The following CNTNAP2 variants were observed in gnomAD, a reference collection of about 807,000 sequenced individuals.
CNTNAP2 encodes contactin associated protein 2, also known as contactin-associated protein-like 2.
In CNTNAP2, 98 loss-of-function variants were observed where a neutral mutation model predicts 155.2. That is an observed-to-expected ratio of 0.63 (90% confidence interval 0.54 to 0.75). CNTNAP2 has a LOEUF of 0.75. CNTNAP2 is among the 30% of genes least tolerant of loss of function. The pLI is 0.00. For synonymous variants in CNTNAP2, 651 were observed against 631.2 expected (o/e 1.03, Z -0.47); for missense variants, 1,727 against 1,688.1 (o/e 1.02, Z -0.40).
intron 15 of CNTNAP2, among the ~76,000 whole-genome samples, chr7:148,008,621 T>C (rs1016396870): frequency 6.6e-6 from 1 of 152,214 alleles, no homozygotes; most frequent in African/African-American, 2.4e-5. Flanking sequence ...TGCGAAATGT[T>C]ATGCCAGTGT....
chr7:147,524,986 T>A (rs955513826), intron 11 of CNTNAP2, among the ~76,000 whole-genome samples: 6 of 152,176 alleles, frequency 3.9e-5, no homozygotes, highest in Admixed American at 1.3e-4. Context: ...GCTTGTTATA[T>A]CTTGTTAGCA....
intron 21 of CNTNAP2, among the ~76,000 whole-genome samples, chr7:148,283,871 A>G (rs1358564361): frequency 6.6e-6 from 1 of 152,224 alleles, no homozygotes; most frequent in Non-Finnish European, 1.5e-5. Context: ...AAAACTGAAT[A>G]TTAAATAAGA....
chr7:148,195,975 A>C (rs1191300456), intron 18 of CNTNAP2, among the ~76,000 whole-genome samples: 2 of 152,272 alleles, frequency 1.3e-5, no homozygotes, highest in African/African-American at 4.8e-5. Flanking sequence ...GTGGGAATTT[A>C]TAAATGCCTA....
At chr7:147,518,646 G>A (rs922451773) in intron 11 of CNTNAP2, among the ~76,000 whole-genome samples, 7 of 152,190 alleles carry the variant, frequency 4.6e-5, no homozygotes, top group African/African-American at 1.7e-4. Context: ...AGCACTGAAC[G>A]AATGTAGCCA....
intron 15 of CNTNAP2, among the ~76,000 whole-genome samples, chr7:148,040,216 A>G (rs1231641551): frequency 6.6e-6 from 1 of 152,252 alleles, no homozygotes; most frequent in Non-Finnish European, 1.5e-5. Context: ...TAACTGAAAT[A>G]AATGGAAAAT....
intron 3 of CNTNAP2, among the ~76,000 whole-genome samples, chr7:146,934,094 T>G (rs578073819): frequency 6.6e-6 from 1 of 152,240 alleles, no homozygotes; most frequent in East Asian, 1.9e-4. Flanking sequence ...TTACTGGGTA[T>G]ATACCCAAAG....
chr7:147,122,701 C>A (rs968765850), intron 6 of CNTNAP2: 2 of 152,138 alleles, frequency 1.3e-5, no homozygotes, highest in African/African-American at 2.4e-5. Context: ...CAGTAAACTA[C>A]CTTAAGCTAG....
chr7:146,845,385 G>C (rs1803821049), intron 3 of CNTNAP2, among the ~76,000 whole-genome samples: 1 of 152,198 alleles, frequency 6.6e-6, no homozygotes, highest in Non-Finnish European at 1.5e-5. Context: ...TAAACTTGGA[G>C]ATCTGACTTT....
intron 11 of CNTNAP2, among the ~76,000 whole-genome samples, chr7:147,541,519 T>C (rs1799639600): frequency 6.6e-6 from 1 of 152,182 alleles, no homozygotes; most frequent in Non-Finnish European, 1.5e-5. Flanking sequence ...TCCGAGGTCT[T>C]CTCAAATTCT....
chr7:147,335,015 C>T (rs1293098393), intron 9 of CNTNAP2, among the ~76,000 whole-genome samples: 1 of 152,098 alleles, frequency 6.6e-6, no homozygotes, highest in African/African-American at 2.4e-5. Context: ...GAAATTGAAG[C>T]TCAGAGAGTT....
At chr7:147,777,012 T>C (rs1797594791) in intron 13 of CNTNAP2, among the ~76,000 whole-genome samples, 1 of 152,134 alleles carries the variant, frequency 6.6e-6, no homozygotes, top group Non-Finnish European at 1.5e-5. Flanking sequence ...TTTTGCATTT[T>C]ATATTGATTC....
chr7:146,823,260 T>C (rs185805329), intron 2 of CNTNAP2, among the ~76,000 whole-genome samples: 1 of 150,162 alleles, frequency 6.7e-6, no homozygotes, highest in Non-Finnish European at 1.5e-5. Context: ...AATATACTCA[T>C]TCTTCAGTAT....
intron 1 of CNTNAP2, among the ~76,000 whole-genome samples, chr7:146,357,806 A>G (rs1280623278): frequency 1.3e-5 from 2 of 151,994 alleles, no homozygotes; most frequent in Non-Finnish European, 2.9e-5. Context: ...AGAATCAAAA[A>G]TTGATCCCTT....
intron 5 of CNTNAP2, among the ~76,000 whole-genome samples, chr7:147,110,652 T>C (rs138633411): frequency 0.029 from 4,369 of 152,246 alleles, 202 homozygotes; most frequent in African/African-American, 0.099. Context: ...TGCATTAGTT[T>C]GCTGAGGACA....
intron 9 of CNTNAP2, among the ~76,000 whole-genome samples, chr7:147,304,371 C>A (rs1224693712): frequency 1.3e-5 from 2 of 152,102 alleles, no homozygotes; most frequent in Non-Finnish European, 2.9e-5. Context: ...GAATGTTAAA[C>A]ACAATAATTA....
At chr7:147,987,169 CAA>C (rs1471084579) in intron 15 of CNTNAP2, among the ~76,000 whole-genome samples, 1 of 152,114 alleles carries the variant, frequency 6.6e-6, no homozygotes, top group African/African-American at 2.4e-5. Context: ...AGGTCAGGTC[CAA>C]TTACAAATGC....
chr7:146,585,868 G>A (rs1007244547), intron 1 of CNTNAP2, among the ~76,000 whole-genome samples: 3 of 151,950 alleles, frequency 2.0e-5, no homozygotes, highest in African/African-American at 7.3e-5. Flanking sequence ...GAATTGGGGT[G>A]GTCGTGTGCA....
chr7:146,928,213 T>A (rs1796649518), intron 3 of CNTNAP2, among the ~76,000 whole-genome samples: 1 of 152,110 alleles, frequency 6.6e-6, no homozygotes, highest in Non-Finnish European at 1.5e-5. Flanking sequence ...GGGTGAATAA[T>A]ATTCAACTGT....
At chr7:146,577,446 C>T (rs1798542850) in intron 1 of CNTNAP2, among the ~76,000 whole-genome samples, 1 of 151,974 alleles carries the variant, frequency 6.6e-6, no homozygotes, top group Non-Finnish European at 1.5e-5. Flanking sequence ...GACTGTAGAA[C>T]AAAATAGTGG....
Sources: gnomAD v4.1 joint callset for allele counts (sites outside exome capture counted in the v4.1 genomes callset) on GRCh38, gnomAD v4.1.1 for gene constraint, MANE v1.5 for transcripts, NCBI Gene and HGNC (gene_info 2026-07-23, HGNC 2026-07-21) for gene names.